The following PTGER3 variants were observed in gnomAD, a reference collection of about 807,000 sequenced individuals.
The protein encoded by PTGER3 is prostaglandin E receptor 3.
PTGER3 carries 22 observed loss-of-function variants against 34.7 expected under a neutral mutation model. The observed-to-expected ratio is 0.63, with a 90% CI of 0.45 to 0.91. The LOEUF (loss-of-function observed/expected upper bound fraction) is 0.91. Among genes scored for constraint, PTGER3 ranks in the 40% least tolerant of loss-of-function variants. The pLI, the probability that PTGER3 is intolerant of heterozygous loss-of-function variation, is 0.00. For synonymous variants in PTGER3, 241 were observed against 230.1 expected (o/e 1.05, Z -0.43); for missense variants, 468 against 519.4 (o/e 0.90, Z 0.96).
intron 4 of PTGER3, among the ~76,000 whole-genome samples, chr1:70,933,280 C>G (rs1365193901): frequency 6.6e-6 from 1 of 152,212 alleles, no homozygotes; most frequent in South Asian, 2.1e-4. Context: ...AAACTCTGTC[C>G]TCTCTGAGTT....
chr1:70,961,049 T>C (rs1272853276), intron 2 of PTGER3, among the ~76,000 whole-genome samples: 1 of 151,752 alleles, frequency 6.6e-6, no homozygotes, highest in Non-Finnish European at 1.5e-5. Context: ...TTTAATGAGT[T>C]CCCAGGTAAT....
chr1:70,939,726 T>G (rs1649580589), intron 4 of PTGER3, among the ~76,000 whole-genome samples: 1 of 151,996 alleles, frequency 6.6e-6, no homozygotes, highest in Non-Finnish European at 1.5e-5. Context: ...ATAGCTGGAG[T>G]GGCTGGGACA....
chr1:70,875,482 T>C (rs1189582380), intron 4 of PTGER3, among the ~76,000 whole-genome samples: 1 of 152,178 alleles, frequency 6.6e-6, no homozygotes, highest in African/African-American at 2.4e-5. Context: ...TTTTTAAATT[T>C]ATTTTAGGTT....
chr1:71,010,339 G>A (rs1377176009), intron 2 of PTGER3: 1 of 984,656 alleles, frequency 1.0e-6, no homozygotes, highest in Non-Finnish European at 1.2e-6. Flanking sequence ...CAGCCTGATG[G>A]ACTGTAATGG....
intron 4 of PTGER3, among the ~76,000 whole-genome samples, chr1:70,864,704 C>A (rs1056049227): frequency 3.3e-5 from 5 of 152,142 alleles, no homozygotes; most frequent in African/African-American, 1.2e-4. Context: ...TACTATAAGC[C>A]CAGTACTTTT....
chr1:70,904,437 G>A (rs1030046967), intron 4 of PTGER3, among the ~76,000 whole-genome samples: 16 of 152,186 alleles, frequency 1.1e-4, no homozygotes, highest in African/African-American at 3.9e-4. Context: ...ATGTGGAATA[G>A]TGTGGAACTT....
chr1:70,924,434 T>C (rs1219396050), intron 4 of PTGER3, among the ~76,000 whole-genome samples: 1 of 152,156 alleles, frequency 6.6e-6, no homozygotes, highest in Non-Finnish European at 1.5e-5. Flanking sequence ...TAATTTAGGC[T>C]AACCCTGCTT....
At chr1:70,960,457 A>T (rs967860274) in intron 2 of PTGER3, among the ~76,000 whole-genome samples, 1 of 152,096 alleles carries the variant, frequency 6.6e-6, no homozygotes, top group Admixed American at 6.5e-5. Context: ...CCCTTCCAAA[A>T]GGTGAAAAAA....
chr1:71,038,716 A>G (rs1329176458), intron 1 of PTGER3, among the ~76,000 whole-genome samples: 4 of 152,220 alleles, frequency 2.6e-5, no homozygotes, highest in Non-Finnish European at 4.4e-5. Context: ...CACAAATAAT[A>G]TTAATGTGTT....
chr1:70,876,759 G>T (rs1646281607), intron 4 of PTGER3, among the ~76,000 whole-genome samples: 1 of 152,054 alleles, frequency 6.6e-6, no homozygotes, highest in Non-Finnish European at 1.5e-5. Flanking sequence ...AAAACAAGAT[G>T]CCTGTAGGTC....
intron 2 of PTGER3, chr1:71,012,059 A>T: frequency 2.8e-6 from 4 of 1,445,876 alleles, no homozygotes; most frequent in African/African-American, 1.4e-5. Flanking sequence ...CTTTTGGCAC[A>T]TAGGGATTTT....
intron 4 of PTGER3, among the ~76,000 whole-genome samples, chr1:70,924,160 C>T (rs754879913): frequency 4.0e-5 from 6 of 151,582 alleles, no homozygotes; most frequent in Non-Finnish European, 8.8e-5. Flanking sequence ...TAGGGCTTGG[C>T]TTAAAAAAAA....
At chr1:71,006,499 C>A in intron 2 of PTGER3, 1 of 985,384 alleles carries the variant, frequency 1.0e-6, no homozygotes, top group African/African-American at 1.7e-5. Flanking sequence ...CTTATTTTGG[C>A]TGCCTGTAAA....
chr1:70,945,907 G>A (rs570329095), intron 4 of PTGER3, among the ~76,000 whole-genome samples: 34 of 152,248 alleles, frequency 2.2e-4, no homozygotes, highest in South Asian at 1.7e-3. Context: ...ATGCAAAATA[G>A]TATTGAAGTA....
At chr1:71,020,274 A>G (rs1481382057) in intron 1 of PTGER3, among the ~76,000 whole-genome samples, 1 of 151,870 alleles carries the variant, frequency 6.6e-6, no homozygotes, top group African/African-American at 2.4e-5. Context: ...TAAAAAAATT[A>G]GTAGAATTTG....
chr1:70,970,801 G>GT lies in PTGER3; in HGVS notation c.*928dup, dbSNP rs1276878927. 8 of 834,812 alleles carry GT rather than the reference G, an allele frequency of 9.6e-6. No individual in the cohort carries two copies. In the East Asian group the frequency reaches 3.7e-4, roughly 39 times the overall value. The allele number at this position is 834,812 out of a possible 1,614,324, so 51.7% of individuals were successfully genotyped here. A position where few individuals can be genotyped will look rare whatever the true frequency, so the allele number is the denominator to read the frequency against. On this transcript the variant is annotated 3_prime_UTR_variant, in exon 4 of 4. Transcript: ENST00000306666. The stretch of plus-strand genomic sequence containing the variant: ...AGTATATCTTTTAGAAGTCCACAAA[G>GT]TTTTTTATTTTAATACAGACAAAAT...
At chr1:71,004,277 G>T (rs1656743327) in intron 2 of PTGER3, among the ~76,000 whole-genome samples, 2 of 152,140 alleles carry the variant, frequency 1.3e-5, no homozygotes. Context: ...TTGATTTTCA[G>T]TGTGGTAGGT....
intron 4 of PTGER3, among the ~76,000 whole-genome samples, chr1:70,920,780 C>T (rs1215676981): frequency 2.0e-5 from 3 of 152,148 alleles, no homozygotes; most frequent in Non-Finnish European, 4.4e-5. Flanking sequence ...CTGAATTTGA[C>T]ATCAGTTGTT....
At chr1:71,018,463 G>A (rs1386829030) in intron 1 of PTGER3, among the ~76,000 whole-genome samples, 1 of 152,038 alleles carries the variant, frequency 6.6e-6, no homozygotes, top group African/African-American at 2.4e-5. Flanking sequence ...ATGAAAAAAA[G>A]CTTATTAATC....
Sources: allele counts gnomAD v4.1 joint callset (sites outside exome capture counted in the v4.1 genomes callset), GRCh38; gene constraint gnomAD v4.1.1; transcripts MANE v1.5; gene names NCBI Gene and HGNC (gene_info 2026-07-23, HGNC 2026-07-21).